Variants in GBP2 observed in about 807,000 individuals in gnomAD.
The protein encoded by GBP2 is guanylate binding protein 2, also known as guanylate-binding protein 2.
GBP2 carries 54 observed loss-of-function variants against 60.8 expected under a neutral mutation model. The observed-to-expected ratio is 0.89, with a 90% CI of 0.71 to 1.11. The LOEUF is 1.11. Ranked by LOEUF, GBP2 falls within the 50% of genes most tolerant of loss-of-function variation. The pLI is 0.00. For synonymous variants in GBP2, 243 were observed against 256.5 expected, an observed-to-expected ratio of 0.95 and a Z score of 0.50; for missense variants, 665 against 703.3, an observed-to-expected ratio of 0.95 and a Z score of 0.62.
Position 89,107,673 on chromosome 1 carries a change from C to T in GBP2, c.*502G>A, listed in dbSNP as rs775874126. On this transcript the variant is annotated 3_prime_UTR_variant, in exon 11 of 11. Coordinates refer to ENST00000370466, the MANE Select transcript of GBP2 (RefSeq NM_004120.5). ...CAGCCAGCATGCCATACAAAGACCACTTGGCAGGAGTGATGCTCTACTGTG... is the reference window on the plus strand; with the variant it reads ...CAGCCAGCATGCCATACAAAGACCATTTGGCAGGAGTGATGCTCTACTGTG... 6.6e-6 allele frequency among the ~76,000 whole-genome samples: 1 copy of T among 152,166 alleles called. No homozygotes were observed. Among genetic ancestry groups the T allele is most frequent in the Non-Finnish European group, 1.5e-5 (1 of 68,020 alleles).
At chr1:89,113,419 C>T (rs572436138) in intron 7 of GBP2, among the ~76,000 whole-genome samples, 1 of 152,294 alleles carries the variant, frequency 6.6e-6, no homozygotes, top group South Asian at 2.1e-4. Context: ...TTGCTGACAT[C>T]GGCTATCTAG....
rs376548887 is a variant in GBP2, at chr1:89,121,995, G to A, written c.-17-12C>T. 2 of 1,553,106 alleles carry A rather than the reference G, an allele frequency of 1.3e-6. No homozygotes were observed. Among genetic ancestry groups the A allele is most frequent in the African/African-American group, 1.4e-5 (1 of 72,412 alleles). Reference sequence around the variant, plus strand: ...CAGGGTGTTGTTCCCTTGTGTGCAAGGAAAAAGATGAAATGGAAAGCAGTT... The same window carrying A: ...CAGGGTGTTGTTCCCTTGTGTGCAAAGAAAAAGATGAAATGGAAAGCAGTT... On this transcript the variant is annotated splice_polypyrimidine_tract_variant and intron_variant, in intron 1 of 10. Coordinates refer to ENST00000370466, the MANE Select transcript of GBP2 (RefSeq NM_004120.5).
rs1681072894 is a variant in GBP2, at chr1:89,107,133, A to T, written c.*1042T>A. 6.6e-6 allele frequency: 1 copy of T among 152,144 alleles called. No individual in the cohort carries two copies. The highest frequency in any genetic ancestry group is 2.1e-4 in the South Asian group (1 of 4,830). 9.4% of individuals were successfully genotyped at this position (152,144 alleles called of 1,614,324 possible). A position where few individuals can be genotyped will look rare whatever the true frequency, so the allele number is the denominator to read the frequency against. The stretch of plus-strand genomic sequence containing the variant: ...TTTGCCATGAAGAACTCTGAATAAT[A>T]CACATCCTGAAACAATTGTAGTAGG... On this transcript the variant is annotated 3_prime_UTR_variant, in exon 11 of 11. Transcript: ENST00000370466.
chr1:89,112,427 TC>T (rs1681185103), intron 8 of GBP2, 44 bp downstream of exon 8: 1 of 1,542,124 alleles, frequency 6.5e-7, no homozygotes, highest in East Asian at 2.3e-5. Flanking sequence ...TTTAAAAGCA[TC>T]CCCTCAGCGA....
At chr1:89,115,422 T>G (rs373859735) in intron 6 of GBP2, among the ~76,000 whole-genome samples, 2 of 152,126 alleles carry the variant, frequency 1.3e-5, no homozygotes, top group African/African-American at 4.8e-5. Context: ...TAAACATAAA[T>G]TAGATAACCT....
At chr1:89,110,682 G>C (rs12122030) in intron 8 of GBP2, among the ~76,000 whole-genome samples, 1 of 152,054 alleles carries the variant, frequency 6.6e-6, no homozygotes, top group Non-Finnish European at 1.5e-5. Flanking sequence ...GGCCACAAAG[G>C]CATAAGAATG....
rs756647039 is a variant in GBP2 at position 89,117,550 on chromosome 1, A to C, written c.625+27T>G. 3.2e-6 allele frequency: 5 copies of C among 1,573,234 alleles called. No homozygotes were observed. In the East Asian group the frequency reaches 1.1e-4, roughly 35 times the overall value. ...TGATATTATTTGCTCTCTATTTATTACCCAACCAAGCATCAGACCCAGTAA... is the reference window on the plus strand; with the variant it reads ...TGATATTATTTGCTCTCTATTTATTCCCCAACCAAGCATCAGACCCAGTAA... On this transcript the variant is annotated intron_variant, in intron 5 of 10. Transcript: ENST00000370466.
chr1:89,114,132 T>G lies in GBP2; in HGVS notation c.1033A>C (p.Thr345Pro). Residue 345 changes from threonine to proline, a missense_variant, in exon 7 of 11, where the codon ACG becomes CCG. Coordinates refer to ENST00000370466, the MANE Select transcript of GBP2 (RefSeq NM_004120.5). ...QQMGQKVQLP[T>P]ETLQELLDLH... ...TCCAGCAGCTCCTGGAGGGTTTCCG[T>G]GGGCAGCTGCACCTTCTGGCCCATC... 6.8e-6 allele frequency: 11 copies of G among 1,614,212 alleles called. No individual in the cohort carries two copies. Among genetic ancestry groups the G allele is most frequent in the Non-Finnish European group, 8.5e-6 (10 of 1,180,032 alleles).
intron 6 of GBP2, 45 bp from the exon 7 acceptor site, chr1:89,114,341 G>C (rs116671729): frequency 1.3e-6 from 2 of 1,596,540 alleles, no homozygotes; most frequent in Non-Finnish European, 8.6e-7. Flanking sequence ...CAGTTGGTGG[G>C]ACAGAATATT....
chr1:89,124,387 AT>A (rs1158979739), intron 1 of GBP2, among the ~76,000 whole-genome samples: 3 of 151,958 alleles, frequency 2.0e-5, no homozygotes, highest in Non-Finnish European at 2.9e-5. Flanking sequence ...CAGAAAATGG[AT>A]TTTTTTTCTA....
In GBP2 at chr1:89,112,703, G is replaced by A. The variant is rs765599242; in HGVS notation, c.1150-19C>T. ...ACTGGGCCTGTGAAGTGACAAAACA[G>A]CACAGATGTTTCAGTAAAGCCATGA... On this transcript the variant is annotated intron_variant, in intron 7 of 10. Transcript: ENST00000370466. The A allele has an allele frequency of 1.3e-6, 2 of 1,573,542 alleles. No individual in the cohort carries two copies. The highest frequency in any genetic ancestry group is 8.7e-7 in the Non-Finnish European group (1 of 1,142,926).
chr1:89,112,826 A>C, intron 7 of GBP2, 142 bp from the exon 8 acceptor site: 1 of 635,554 alleles, frequency 1.6e-6, no homozygotes, highest in Non-Finnish European at 2.8e-6. Context: ...GTTAGATCCT[A>C]GAATATCCCT....
chr1:89,117,879 T>C, intron 4 of GBP2, 106 bp from the exon 5 acceptor site: 2 of 847,174 alleles, frequency 2.4e-6, no homozygotes, highest in South Asian at 3.8e-5. Context: ...AGCTCATTCA[T>C]TCATTCACAA....
chr1:89,109,003 C>T (rs962428494), intron 10 of GBP2, among the ~76,000 whole-genome samples: 1 of 151,938 alleles, frequency 6.6e-6, no homozygotes, highest in Non-Finnish European at 1.5e-5. Context: ...TCAAGCGATT[C>T]TCCTGCCTCA....
chr1:89,125,531 T>A (rs1681500702), intron 1 of GBP2, among the ~76,000 whole-genome samples: 1 of 152,236 alleles, frequency 6.6e-6, no homozygotes, highest in Non-Finnish European at 1.5e-5. Context: ...CCAAGTTGCC[T>A]ACCTTCATTT....
intron 4 of GBP2, 58 bp from the exon 5 acceptor site, chr1:89,117,831 C>T (rs1681311489): frequency 9.8e-6 from 13 of 1,322,302 alleles, no homozygotes; most frequent in Admixed American, 2.5e-5. Flanking sequence ...TACATTTTAT[C>T]CTAATGCTTA....
intron 9 of GBP2, 71 bp from the exon 10 acceptor site, chr1:89,109,941 T>A (rs1176733686): frequency 1.6e-5 from 22 of 1,399,474 alleles, no homozygotes; most frequent in Non-Finnish European, 2.0e-5. Flanking sequence ...CTTTCCCTCG[T>A]TTTTGTTTGT....
chr1:89,120,647 A>G (rs1681378803), intron 3 of GBP2, among the ~76,000 whole-genome samples: 1 of 152,202 alleles, frequency 6.6e-6, no homozygotes, highest in Non-Finnish European at 1.5e-5. Context: ...AGTTAAAATA[A>G]GCTCCTTTAA....
chr1:89,119,992 A>G, intron 4 of GBP2, 187 bp downstream of exon 4: 2 of 564,182 alleles, frequency 3.5e-6, no homozygotes, highest in Non-Finnish European at 3.2e-6. Context: ...CTAACGAGAC[A>G]TGTAACTGGG....
Sources: allele counts gnomAD v4.1 joint callset (sites outside exome capture counted in the v4.1 genomes callset), GRCh38; gene constraint gnomAD v4.1.1; transcripts MANE v1.5; gene names NCBI Gene and HGNC (gene_info 2026-07-23, HGNC 2026-07-21).